Variants in OR11A1 observed in about 807,000 individuals in gnomAD.
OR11A1 encodes olfactory receptor 11A1.
For synonymous variants in OR11A1, 158 were observed against 152.2 expected (o/e 1.04, Z -0.28); for missense variants, 380 against 378.2 (o/e 1.00, Z -0.04).
chr6:29,448,190 T>C (rs995326642), intron 1 of OR11A1, among the ~76,000 whole-genome samples: 2 of 151,768 alleles, frequency 1.3e-5, no homozygotes, highest in Admixed American at 1.3e-4. Flanking sequence ...CTAATTTTTG[T>C]ATTTTTAGTA....
intron 1 of OR11A1, chr6:29,440,627 C>G: frequency 1.2e-6 from 2 of 1,614,084 alleles, no homozygotes; most frequent in Non-Finnish European, 1.7e-6. Context: ...CAACAGCCCT[C>G]CTCATCCTCT....
chr6:29,448,581 G>T (rs969291677), intron 1 of OR11A1, among the ~76,000 whole-genome samples: 4 of 152,198 alleles, frequency 2.6e-5, no homozygotes, highest in African/African-American at 9.6e-5. Flanking sequence ...TTCTGTTTAA[G>T]TAGGCACCAA....
At chr6:29,441,234 ATAT>A (rs1440786555) in intron 1 of OR11A1, among the ~76,000 whole-genome samples, 2 of 152,206 alleles carry the variant, frequency 1.3e-5, no homozygotes, top group African/African-American at 4.8e-5. Flanking sequence ...AAGTTACAAA[ATAT>A]TATCCTTATC....
intron 1 of OR11A1, among the ~76,000 whole-genome samples, chr6:29,444,899 A>G (rs1051577182): frequency 2.0e-5 from 3 of 151,960 alleles, no homozygotes; most frequent in Non-Finnish European, 4.4e-5. Flanking sequence ...TCCTCCTACC[A>G]ACCTTTCTCC....
Position 29,426,827 on chromosome 6 carries a change from G to C in OR11A1, c.815C>G (p.Ser272Cys), listed in dbSNP as rs1036755043. 1.2e-5 allele frequency: 20 copies of C among 1,612,894 alleles called. No homozygotes were observed. Among genetic ancestry groups the C allele is most frequent in the Non-Finnish European group, 1.4e-5 (16 of 1,180,014 alleles). The change falls in exon 5 of 5, where the codon TCC becomes TGC. Residue 272 changes from serine (S) to cysteine (C), a missense_variant. Physicochemically the swap from Ser to Cys is moderately radical, Grantham distance 112. Coordinates refer to ENST00000377149, the MANE Select transcript of OR11A1 (RefSeq NM_001394828.1). The part of the protein sequence containing the change: ...APSAVHSQLL[S>C]KVFSLLYTVV... ...AGTGTAGAGCAGGGAGAAGACCTTG[G>C]AGAGGAGCTGGGAATGGACAGCAGA...
intron 1 of OR11A1, among the ~76,000 whole-genome samples, chr6:29,452,968 T>C (rs1785590677): frequency 6.6e-6 from 1 of 151,736 alleles, no homozygotes; most frequent in African/African-American, 2.4e-5. Flanking sequence ...AACACGGCAA[T>C]AGCTGCACAA....
At chr6:29,444,573 G>A (rs1001686357) in intron 1 of OR11A1, among the ~76,000 whole-genome samples, 2 of 152,096 alleles carry the variant, frequency 1.3e-5, no homozygotes, top group Non-Finnish European at 2.9e-5. Context: ...TTGTCCCAAG[G>A]ACTATATGCT....
At chr6:29,438,648 AT>A (rs1302222198) in intron 1 of OR11A1, among the ~76,000 whole-genome samples, 14 of 152,236 alleles carry the variant, frequency 9.2e-5, no homozygotes, top group African/African-American at 2.7e-4. Context: ...TTAACAGGTC[AT>A]TCTGTATTTC....
chr6:29,426,749 A>C lies in OR11A1; in HGVS notation c.893T>G (p.Val298Gly). 6 of 1,612,866 alleles carry C rather than the reference A, an allele frequency of 3.7e-6. No individual in the cohort carries two copies. Among genetic ancestry groups the C allele is most frequent in the Non-Finnish European group, 5.1e-6 (6 of 1,179,974 alleles). ...PVIYTMRNKEVHQALRKILCI... is the reference protein window; with the variant it reads ...PVIYTMRNKEGHQALRKILCI... Reference sequence around the variant, plus strand: ...GAGAATCTTCCGAAGTGCCTGATGCACCTCCTTGTTCCTCATGGTATAGAT... The same window carrying C: ...GAGAATCTTCCGAAGTGCCTGATGCCCCTCCTTGTTCCTCATGGTATAGAT... The change falls in exon 5 of 5, where the codon GTG becomes GGG. Residue 298 changes from valine (V) to glycine (G), a missense_variant. Coordinates refer to ENST00000377149, the MANE Select transcript of OR11A1 (RefSeq NM_001394828.1).
At chr6:29,455,280 C>T (rs964180291) in intron 1 of OR11A1, among the ~76,000 whole-genome samples, 3 of 151,994 alleles carry the variant, frequency 2.0e-5, no homozygotes, top group African/African-American at 7.3e-5. Context: ...GACTTTTATG[C>T]AGAATATATG....
chr6:29,440,396 A>ACC (rs1561794149), intron 1 of OR11A1: 3 of 1,613,376 alleles, frequency 1.9e-6, no homozygotes, highest in Non-Finnish European at 2.5e-6. Context: ...CCATCTGTGA[A>ACC]CCCCTCCGCT....
chr6:29,426,595 A>C lies in OR11A1; in HGVS notation c.*99T>G. 1.2e-6 allele frequency: 1 copy of C among 840,676 alleles called. No individual in the cohort carries two copies. The allele number at this position is 840,676 out of a possible 1,614,324, so 52.1% of individuals were successfully genotyped here. A position where few individuals can be genotyped will look rare whatever the true frequency, so the allele number is the denominator to read the frequency against. ...TATAACTGCAGAAGAGTTCAAAGAG[A>C]ATGGTCGAATAAGACAAAGTTACTC... On this transcript the variant is annotated 3_prime_UTR_variant, in exon 5 of 5. Coordinates refer to ENST00000377149, the MANE Select transcript of OR11A1 (RefSeq NM_001394828.1).
chr6:29,426,123 T>G lies in OR11A1; in HGVS notation c.*571A>C, dbSNP rs1782778324. On this transcript the variant is annotated 3_prime_UTR_variant, in exon 5 of 5. Transcript: ENST00000377149. The stretch of plus-strand genomic sequence containing the variant: ...TTTTAAATGTCATACAACAATAATA[T>G]AAAAAACAATATTTCTAGGTTTATT... 6.6e-6 allele frequency: 1 copy of G among 152,604 alleles called. No individual in the cohort carries two copies. Among genetic ancestry groups the G allele is most frequent in the Non-Finnish European group, 1.5e-5 (1 of 68,020 alleles). The allele number at this position is 152,604 out of a possible 1,614,324, so 9.5% of individuals were successfully genotyped here.
chr6:29,454,683 G>C (rs1194727255), intron 1 of OR11A1, among the ~76,000 whole-genome samples: 1 of 152,048 alleles, frequency 6.6e-6, no homozygotes, highest in Non-Finnish European at 1.5e-5. Context: ...CCAAAAAGTA[G>C]AAACAATCCA....
chr6:29,449,627 C>T (rs890419503), intron 1 of OR11A1, among the ~76,000 whole-genome samples: 6 of 151,996 alleles, frequency 3.9e-5, no homozygotes, highest in African/African-American at 1.4e-4. Flanking sequence ...CATAAATGAC[C>T]AATCTTTCTC....
intron 1 of OR11A1, among the ~76,000 whole-genome samples, chr6:29,434,661 A>C (rs1783495645): frequency 6.6e-6 from 1 of 152,244 alleles, no homozygotes; most frequent in Non-Finnish European, 1.5e-5. Context: ...CTTAATTCTT[A>C]CAGATATTTT....
In OR11A1 at chr6:29,427,471, G is replaced by A; in HGVS notation, c.171C>T (p.Leu57=). The A allele has an allele frequency of 1.2e-6, 2 of 1,613,052 alleles. No homozygotes were observed. Among genetic ancestry groups the A allele is most frequent in the Admixed American group, 1.7e-5 (1 of 60,024 alleles). ...CCAAGAAAATATACATGGGTTTGTG[G>A]AGCCTCTGGGAGCTAACCACTGCTA... The part of the protein sequence containing the change: ...IIVAVVSSQR[L]HKPMYIFLAN... The change falls in exon 5 of 5, where the codon CTC becomes CTT. Residue 57 remains leucine, a synonymous_variant. Transcript: ENST00000377149.
At chr6:29,439,730 T>A (rs1014197713) in intron 1 of OR11A1, 8 of 460,062 alleles carry the variant, frequency 1.7e-5, no homozygotes, top group Admixed American at 3.8e-5. Context: ...GGAAAGACAG[T>A]TTAACATGTT....
intron 1 of OR11A1, among the ~76,000 whole-genome samples, chr6:29,444,662 A>T (rs1246951216): frequency 6.6e-6 from 1 of 152,192 alleles, no homozygotes; most frequent in Non-Finnish European, 1.5e-5. Context: ...ATAGCTACCA[A>T]GGGACCTTGA....
Sources: allele counts gnomAD v4.1 joint callset (sites outside exome capture counted in the v4.1 genomes callset), GRCh38; gene constraint gnomAD v4.1.1; transcripts MANE v1.5; gene names NCBI Gene and HGNC (gene_info 2026-07-23, HGNC 2026-07-21).